GPC5: variants seen among roughly 807,000 people sequenced by gnomAD.
GPC5 encodes glypican 5, also known as glypican-5.
In GPC5, 47 loss-of-function variants were observed where a neutral mutation model predicts 53.9. The observed-to-expected ratio is 0.87, with a 90% CI of 0.69 to 1.11. The LOEUF is 1.11. GPC5 is among the 50% of genes most tolerant of loss of function. GPC5 has a pLI of 0.00. For synonymous variants in GPC5, 286 were observed against 263.3 expected (o/e 1.09, Z -0.84); for missense variants, 748 against 713.1 (o/e 1.05, Z -0.56).
chr13:91,565,845 G>A (rs999193208), intron 2 of GPC5, among the ~76,000 whole-genome samples: 1 of 152,128 alleles, frequency 6.6e-6, no homozygotes, highest in African/African-American at 2.4e-5. Flanking sequence ...CTGTGGGGTT[G>A]GTTACTTCTG....
intron 6 of GPC5, among the ~76,000 whole-genome samples, chr13:92,135,188 A>C (rs929531236): frequency 1.3e-5 from 2 of 152,078 alleles, no homozygotes; most frequent in African/African-American, 4.8e-5. Flanking sequence ...GAAAGCTCTG[A>C]CATTAACTCT....
At chr13:91,799,550 T>G (rs2038100668) in intron 5 of GPC5, among the ~76,000 whole-genome samples, 1 of 134,116 alleles carries the variant, frequency 7.5e-6, no homozygotes, top group African/African-American at 3.2e-5. Flanking sequence ...TGCATATGAT[T>G]TCTTTGTTTA....
chr13:91,586,021 G>A, intron 2 of GPC5, among the ~76,000 whole-genome samples: 1 of 113,816 alleles, frequency 8.8e-6, no homozygotes, highest in Non-Finnish European at 1.7e-5. Context: ...CCACCCCACT[G>A]GTAAATTTGA....
intron 2 of GPC5, among the ~76,000 whole-genome samples, chr13:91,544,696 C>T (rs1327381086): frequency 6.6e-6 from 1 of 152,160 alleles, no homozygotes. Context: ...TGGATGCTTT[C>T]TTTTCCAACA....
At chr13:91,973,504 T>C (rs951651007) in intron 6 of GPC5, among the ~76,000 whole-genome samples, 1 of 152,244 alleles carries the variant, frequency 6.6e-6, no homozygotes, top group Non-Finnish European at 1.5e-5. Flanking sequence ...GTTCCGTTGC[T>C]GGTGAGGAGC....
chr13:92,280,878 T>G (rs1023393475), intron 7 of GPC5, among the ~76,000 whole-genome samples: 1 of 152,080 alleles, frequency 6.6e-6, no homozygotes, highest in South Asian at 2.1e-4. Context: ...TTCATCTCAC[T>G]GGGGCTTGTC....
At chr13:92,630,994 A>G (rs554346358) in intron 7 of GPC5, among the ~76,000 whole-genome samples, 4 of 152,082 alleles carry the variant, frequency 2.6e-5, no homozygotes, top group Non-Finnish European at 5.9e-5. Context: ...TAAAATTACC[A>G]TTTCTTCTTG....
At chr13:91,658,762 A>G (rs1381089284) in intron 2 of GPC5, among the ~76,000 whole-genome samples, 2 of 152,032 alleles carry the variant, frequency 1.3e-5, no homozygotes, top group Non-Finnish European at 2.9e-5. Context: ...CATCCCTCAT[A>G]TGTACTGTGT....
intron 5 of GPC5, among the ~76,000 whole-genome samples, chr13:91,768,691 T>C (rs1430850400): frequency 6.6e-6 from 1 of 152,126 alleles, no homozygotes; most frequent in Non-Finnish European, 1.5e-5. Context: ...CCAACAACAG[T>C]TTAGAATAAA....
At chr13:92,216,708 G>T (rs1032323052) in intron 7 of GPC5, among the ~76,000 whole-genome samples, 4 of 152,092 alleles carry the variant, frequency 2.6e-5, no homozygotes, top group African/African-American at 9.7e-5. Flanking sequence ...AGCCAGGCGC[G>T]GTGGCTCATG....
At chr13:91,517,255 A>G (rs1000931896) in intron 2 of GPC5, among the ~76,000 whole-genome samples, 1 of 152,134 alleles carries the variant, frequency 6.6e-6, no homozygotes, top group African/African-American at 2.4e-5. Flanking sequence ...TCCTGATAAA[A>G]CTGAATGCCT....
chr13:92,017,968 C>T (rs904755538), intron 6 of GPC5, among the ~76,000 whole-genome samples: 8 of 151,448 alleles, frequency 5.3e-5, no homozygotes, highest in Middle Eastern at 3.4e-3. Context: ...AGTACATACA[C>T]GTGCAGCACG....
At chr13:92,767,288 T>A (rs1292714042) in intron 7 of GPC5, among the ~76,000 whole-genome samples, 1 of 152,066 alleles carries the variant, frequency 6.6e-6, no homozygotes. Context: ...CTGGCCAACA[T>A]GGTGAAACCC....
chr13:92,240,375 T>C (rs1477549844), intron 7 of GPC5: 2 of 152,290 alleles, frequency 1.3e-5, no homozygotes, highest in Middle Eastern at 3.4e-3. Flanking sequence ...ATATTGACTA[T>C]GAAGCCTCTA....
chr13:92,257,210 A>G (rs568954825), intron 7 of GPC5, among the ~76,000 whole-genome samples: 10 of 152,270 alleles, frequency 6.6e-5, no homozygotes, highest in African/African-American at 2.4e-4. Context: ...AAAATATGAT[A>G]GGCAATATCT....
intron 5 of GPC5, among the ~76,000 whole-genome samples, chr13:91,779,780 G>GA (rs1053896421): frequency 2.0e-5 from 3 of 152,186 alleles, no homozygotes; most frequent in African/African-American, 7.2e-5. Context: ...TGTCCCATGG[G>GA]AAAGTCTGCA....
At chr13:91,507,438 G>A (rs754688087) in intron 2 of GPC5, among the ~76,000 whole-genome samples, 6 of 152,166 alleles carry the variant, frequency 3.9e-5, no homozygotes, top group Admixed American at 2.6e-4. Flanking sequence ...AAGGCAAGGA[G>A]GAGCAAGCAC....
intron 1 of GPC5, among the ~76,000 whole-genome samples, chr13:91,430,906 G>A (rs78700239): frequency 0.035 from 5,295 of 152,218 alleles, 138 homozygotes; most frequent in Non-Finnish European, 0.051. Context: ...ACAGGGTCTC[G>A]CTGTGTTACA....
intron 7 of GPC5, among the ~76,000 whole-genome samples, chr13:92,826,063 C>T (rs1284684767): frequency 6.6e-6 from 1 of 152,102 alleles, no homozygotes; most frequent in Non-Finnish European, 1.5e-5. Flanking sequence ...AGACAGAATT[C>T]TAAGATGACC....
Sources: gnomAD v4.1 joint callset for allele counts (sites outside exome capture counted in the v4.1 genomes callset) on GRCh38, gnomAD v4.1.1 for gene constraint, MANE v1.5 for transcripts, NCBI Gene and HGNC (gene_info 2026-07-23, HGNC 2026-07-21) for gene names.